Variants in ATXN7 observed in about 807,000 individuals in gnomAD.
ATXN7 encodes ataxin-7.
In ATXN7, 12 loss-of-function variants were observed where a neutral mutation model predicts 70.5. The observed-to-expected ratio is 0.17, with a 90% CI of 0.11 to 0.28. The LOEUF (loss-of-function observed/expected upper bound fraction) is 0.28. Ranked by LOEUF, ATXN7 falls within the 10% of genes least tolerant of loss-of-function variation. The pLI, the probability that ATXN7 is intolerant of heterozygous loss-of-function variation, is 1.00. For missense variants in ATXN7, 1,256 were observed against 1,131.7 expected (o/e 1.11, Z -1.58); for synonymous variants, 498 against 448.7 (o/e 1.11, Z -1.39).
intron 5 of ATXN7, among the ~76,000 whole-genome samples, chr3:63,972,457 T>C (rs2075327654): frequency 6.6e-6 from 1 of 152,196 alleles, no homozygotes; most frequent in Non-Finnish European, 1.5e-5. Context: ...CTGTTTAACC[T>C]TAACTGAGTC....
At position 63,863,886 on chromosome 3, in the gene ATXN7, A is replaced by C; in HGVS notation, c.-383A>C. Reference sequence around the variant, plus strand: ...ACTCCCACAATGCAGCCGGGTAAACAGCCATGGAGGAGGAGGCGGCGGCGC... The same window carrying C: ...ACTCCCACAATGCAGCCGGGTAAACCGCCATGGAGGAGGAGGCGGCGGCGC... On this transcript the variant is annotated 5_prime_UTR_variant, in exon 1 of 13. Coordinates refer to ENST00000674280, the MANE Select transcript of ATXN7 (RefSeq NM_001377405.1). 1 of 1,162,286 alleles carries C rather than the reference A, an allele frequency of 8.6e-7. No individual in the cohort carries two copies. Among genetic ancestry groups the C allele is most frequent in the Non-Finnish European group, 1.1e-6 (1 of 949,556 alleles). The allele number at this position is 1,162,286 out of a possible 1,614,324, so 72.0% of individuals were successfully genotyped here. A position where few individuals can be genotyped will look rare whatever the true frequency, so the allele number is the denominator to read the frequency against.
rs965232187 is a variant in ATXN7, at chr3:63,999,742, G to A, written c.*275G>A. On this transcript the variant is annotated 3_prime_UTR_variant, in exon 13 of 13. Transcript: ENST00000674280. ...GGTCTGAACTGCTTGCTACCAATCTGTGAGAAGTTTTTGTTTTTGTTTTGT... is the reference window on the plus strand; with the variant it reads ...GGTCTGAACTGCTTGCTACCAATCTATGAGAAGTTTTTGTTTTTGTTTTGT... 3.5e-6 allele frequency: 2 copies of A among 574,836 alleles called. No homozygotes were observed. Among genetic ancestry groups the A allele is most frequent in the Non-Finnish European group, 6.2e-6 (2 of 323,632 alleles). 35.6% of individuals were successfully genotyped at this position (574,836 alleles called of 1,614,324 possible).
chr3:63,912,422 G>A (rs923177707), intron 2 of ATXN7, among the ~76,000 whole-genome samples, 166 bp from the exon 3 acceptor site: 36 of 151,474 alleles, frequency 2.4e-4, no homozygotes, highest in Non-Finnish European at 4.1e-4. Flanking sequence ...GCCCGGGGCG[G>A]GGGGTGGCCT....
intron 11 of ATXN7, among the ~76,000 whole-genome samples, chr3:63,992,863 T>C (rs2075693887): frequency 6.6e-6 from 1 of 151,978 alleles, no homozygotes; most frequent in South Asian, 2.1e-4. Context: ...AACATAGGAG[T>C]GCTGGCGGCC....
chr3:63,989,416 C>T (rs895153164), intron 9 of ATXN7, among the ~76,000 whole-genome samples: 6 of 152,204 alleles, frequency 3.9e-5, no homozygotes, highest in Non-Finnish European at 7.3e-5. Context: ...TGTATCACCT[C>T]CTGTCTCTCC....
intron 5 of ATXN7, among the ~76,000 whole-genome samples, chr3:63,957,938 A>C (rs888872507): frequency 6.6e-6 from 1 of 152,200 alleles, no homozygotes; most frequent in African/African-American, 2.4e-5. Flanking sequence ...ATCTGTAAGA[A>C]GACCACGTAA....
At chr3:63,991,279 A>T (rs1328590579) in intron 11 of ATXN7, among the ~76,000 whole-genome samples, 1 of 142,368 alleles carries the variant, frequency 7.0e-6, no homozygotes, top group Non-Finnish European at 1.5e-5. Flanking sequence ...GACCATGATT[A>T]TACCCTCCCC....
In ATXN7 at chr3:63,979,925, T is replaced by C; in HGVS notation, c.510T>C (p.His170=). 6.2e-7 allele frequency: 1 copy of C among 1,614,182 alleles called. No individual in the cohort carries two copies. Among genetic ancestry groups the C allele is most frequent in the Non-Finnish European group, 8.5e-7 (1 of 1,180,008 alleles). ...QAFQSHYERR[H]SSSSKPPLAV... ...TGCTTTCGTTTTCAGAAAGAAGACA[T>C]AGCTCATCCAGCAAGCCGCCTTTGG... Residue 170 remains histidine (H), a synonymous_variant, in exon 6 of 13, where the codon CAT becomes CAC. Coordinates refer to ENST00000674280, the MANE Select transcript of ATXN7 (RefSeq NM_001377405.1).
At chr3:63,942,103 G>A (rs1388781387) in intron 4 of ATXN7, among the ~76,000 whole-genome samples, 1 of 152,166 alleles carries the variant, frequency 6.6e-6, no homozygotes, top group African/African-American at 2.4e-5. Context: ...GGTACCCGCA[G>A]GAGTCTGCTG....
intron 4 of ATXN7, among the ~76,000 whole-genome samples, chr3:63,915,750 C>T (rs1175830642): frequency 6.6e-6 from 1 of 150,696 alleles, no homozygotes; most frequent in Non-Finnish European, 1.5e-5. Flanking sequence ...GGCAAGTTCT[C>T]GGCTCACTGC....
chr3:63,966,746 C>T lies in ATXN7; in HGVS notation c.500-13169C>T, dbSNP rs544688157. Among the ~76,000 whole-genome samples the T allele has an allele frequency of 2.8e-4, 42 of 152,258 alleles. No homozygotes were observed. The South Asian group carries it at 3.9e-3, about 14-fold the overall frequency. Reference sequence around the variant, plus strand: ...TCATGCCTCTCTCAGAACTCTTCCCCGCACCTTTCAGGCTAAATCATTTCC... The same window carrying T: ...TCATGCCTCTCTCAGAACTCTTCCCTGCACCTTTCAGGCTAAATCATTTCC... On this transcript the variant is annotated intron_variant, in intron 5 of 12. Coordinates refer to ENST00000674280, the MANE Select transcript of ATXN7 (RefSeq NM_001377405.1).
rs760521857 is a variant in ATXN7, at chr3:63,934,023, A to G, written c.395-18356A>G. Among the ~76,000 whole-genome samples, 126 of 152,260 alleles carry G rather than the reference A, an allele frequency of 8.3e-4. No homozygotes were observed. The Middle Eastern group carries it at 0.01, about 12-fold the overall frequency. On this transcript the variant is annotated intron_variant, in intron 4 of 12. Transcript: ENST00000674280. ...GAAATTGCGTAGTTGGTTGAATCAC[A>G]AATGTTGTACTTAAAAAGCTACTTA...
intron 4 of ATXN7, among the ~76,000 whole-genome samples, chr3:63,922,037 CT>C (rs1704531509): frequency 6.6e-6 from 1 of 150,736 alleles, no homozygotes; most frequent in Admixed American, 6.6e-5. Context: ...CTTTTTTTTT[CT>C]TTTTTATTCT....
intron 1 of ATXN7, among the ~76,000 whole-genome samples, chr3:63,887,030 A>G (rs1703108119): frequency 6.6e-6 from 1 of 152,180 alleles, no homozygotes. Context: ...TCCCACTCCC[A>G]TGAAGTTTCA....
chr3:63,982,912 C>T (rs2075514098), intron 7 of ATXN7, 27 bp from the exon 8 acceptor site: 1 of 1,579,616 alleles, frequency 6.3e-7, no homozygotes, highest in African/African-American at 1.3e-5. Context: ...TGTCAGGCCA[C>T]ATGTAATGCC....
At chr3:63,941,989 C>G (rs2074777059) in intron 4 of ATXN7, among the ~76,000 whole-genome samples, 1 of 152,172 alleles carries the variant, frequency 6.6e-6, no homozygotes, top group Admixed American at 6.5e-5. Flanking sequence ...TGGAGACCAG[C>G]CTTCCTCTTC....
chr3:63,890,108 TTCATTAATGATAC>T (rs1412301255), intron 1 of ATXN7, among the ~76,000 whole-genome samples: 1 of 152,184 alleles, frequency 6.6e-6, no homozygotes, highest in Non-Finnish European at 1.5e-5. Context: ...ATTGAAAAAT[TTCATTAATGATAC>T]TCATTAAGTT....
At chr3:63,884,203 G>GCACACA (rs57391192) in intron 1 of ATXN7, among the ~76,000 whole-genome samples, 4 of 142,916 alleles carry the variant, frequency 2.8e-5, no homozygotes, top group Admixed American at 7.2e-5. Flanking sequence ...AATAACATGC[G>GCACACA]CACACACACA....
intron 11 of ATXN7, among the ~76,000 whole-genome samples, chr3:63,993,439 G>A (rs2075705574): frequency 1.3e-5 from 2 of 149,990 alleles, no homozygotes; most frequent in African/African-American, 2.5e-5. Flanking sequence ...GTGACAGAGC[G>A]AGACTCCGTC....
Sources: gnomAD v4.1 joint callset for allele counts (sites outside exome capture counted in the v4.1 genomes callset) on GRCh38, gnomAD v4.1.1 for gene constraint, MANE v1.5 for transcripts, NCBI Gene and HGNC (gene_info 2026-07-23, HGNC 2026-07-21) for gene names.